Variants in ACTN2 observed in about 807,000 individuals in gnomAD.
ACTN2 encodes the protein actinin alpha 2.
A neutral mutation model predicts 113.8 loss-of-function variants in ACTN2; 39 were observed. The observed-to-expected ratio is 0.34, with a 90% CI of 0.27 to 0.45. ACTN2 has a LOEUF of 0.45. Ranked by LOEUF, ACTN2 falls within the 20% of genes least tolerant of loss-of-function variation. The pLI is 1.00. For synonymous variants in ACTN2, 429 were observed against 444.1 expected (o/e 0.97, Z 0.43); for missense variants, 992 against 1,177.9 (o/e 0.84, Z 2.31).
In ACTN2 at chr1:236,730,508, C is replaced by G. The variant is rs1658684414; in HGVS notation, c.616-725C>G. Among the ~76,000 whole-genome samples, 4 of 152,192 alleles carry G rather than the reference C, an allele frequency of 2.6e-5. No homozygotes were observed. The South Asian group carries it at 8.3e-4, about 32-fold the overall frequency. ...TGATTTTTCTATCTTACCTCCATTTCTTTTGAAATTCTTAATTTCTTTTGA... is the reference window on the plus strand; with the variant it reads ...TGATTTTTCTATCTTACCTCCATTTGTTTTGAAATTCTTAATTTCTTTTGA... On this transcript the variant is annotated intron_variant, in intron 6 of 20. Coordinates refer to ENST00000366578, the MANE Select transcript of ACTN2 (RefSeq NM_001103.4).
chr1:236,759,659 T>A (rs561855620), intron 18 of ACTN2, 65 bp from the exon 19 acceptor site: 2 of 1,364,034 alleles, frequency 1.5e-6, no homozygotes, highest in African/African-American at 2.9e-5. Flanking sequence ...TTTGTTCAGT[T>A]GGTCAAGTAG....
intron 1 of ACTN2, among the ~76,000 whole-genome samples, chr1:236,700,580 T>G (rs755057601): frequency 2.6e-5 from 4 of 152,184 alleles, no homozygotes; most frequent in Non-Finnish European, 5.9e-5. Flanking sequence ...ATCAGGTTTA[T>G]TGAGATGAGT....
rs899755629 is a variant in ACTN2 at position 236,734,621 on chromosome 1, A to G, written c.698-1014A>G. The G allele has an allele frequency of 5.7e-5, 46 of 811,042 alleles. No individual in the cohort carries two copies. In the African/African-American group the frequency reaches 7.5e-4, roughly 13 times the overall value. 50.2% of individuals were successfully genotyped at this position (811,042 alleles called of 1,614,324 possible). On this transcript the variant is annotated intron_variant, in intron 7 of 20. Transcript: ENST00000366578. ...TTTCCCCCCTCTCCTCCGAGTAAGGAGACTGTCTGGTTCCCAGGAGGCAGT... is the reference window on the plus strand; with the variant it reads ...TTTCCCCCCTCTCCTCCGAGTAAGGGGACTGTCTGGTTCCCAGGAGGCAGT...
At chr1:236,742,237 T>G (rs185376872) in intron 10 of ACTN2, among the ~76,000 whole-genome samples, 2 of 152,114 alleles carry the variant, frequency 1.3e-5, no homozygotes, top group Admixed American at 6.6e-5. Flanking sequence ...TGAACTTGCT[T>G]AAGTACTTAA....
intron 7 of ACTN2, 66 bp downstream of exon 7, chr1:236,731,380 A>C: frequency 1.5e-6 from 2 of 1,358,552 alleles, no homozygotes; most frequent in Non-Finnish European, 2.1e-6. Flanking sequence ...ATGGCTACAC[A>C]TTGGGACCTT....
intron 1 of ACTN2, among the ~76,000 whole-genome samples, chr1:236,710,422 G>C (rs1346211989): frequency 6.6e-6 from 1 of 152,198 alleles, no homozygotes; most frequent in Non-Finnish European, 1.5e-5. Flanking sequence ...TTCACTTTGA[G>C]AAAAGCAATA....
chr1:236,730,264 T>C (rs959679067), intron 6 of ACTN2, among the ~76,000 whole-genome samples: 3 of 124,802 alleles, frequency 2.4e-5, no homozygotes, highest in African/African-American at 8.4e-5. Flanking sequence ...GAACGTTTAG[T>C]TAAACACTTT....
chr1:236,764,282 T>G lies in ACTN2; in HGVS notation c.*1663T>G, dbSNP rs1659786437. ...CCAAACACTTTTGGGGTGGTTTAGA[T>G]GAACTCTGACTCTATTTTATTTCAA... On this transcript the variant is annotated 3_prime_UTR_variant, in exon 21 of 21. Coordinates refer to ENST00000366578, the MANE Select transcript of ACTN2 (RefSeq NM_001103.4). 6.6e-6 allele frequency: 1 copy of G among 152,348 alleles called. No individual in the cohort carries two copies. The highest frequency in any genetic ancestry group is 2.4e-5 in the African/African-American group (1 of 41,580). 9.4% of individuals were successfully genotyped at this position (152,348 alleles called of 1,614,324 possible).
At chr1:236,744,550 C>G in intron 11 of ACTN2, 76 bp from the exon 12 acceptor site, 1 of 1,553,278 alleles carries the variant, frequency 6.4e-7, no homozygotes, top group South Asian at 1.1e-5. Context: ...TCTCACCGCT[C>G]CCTGAGAATG....
chr1:236,737,297 G>GTATATATATATATATATA lies in ACTN2; in HGVS notation c.876+83_876+84insTATATATATATATATATA. 3,099 of 322,070 alleles carry GTATATATATATATATATA rather than the reference G, an allele frequency of 9.6e-3. 1,042 individuals are homozygous for GTATATATATATATATATA. Among genetic ancestry groups the GTATATATATATATATATA allele is most frequent in the Non-Finnish European group, 0.013 (2,036 of 157,948 alleles). 20.0% of individuals were successfully genotyped at this position (322,070 alleles called of 1,614,324 possible). ...GAGGGTGAAAAAATACTCCGTGGGGGCATATATATATATATATATATTTTG... is the reference window on the plus strand; with the variant it reads ...GAGGGTGAAAAAATACTCCGTGGGGGTATATATATATATATATACATATATATATATATATATATTTTG... On this transcript the variant is annotated intron_variant, in intron 9 of 20. Coordinates refer to ENST00000366578, the MANE Select transcript of ACTN2 (RefSeq NM_001103.4).
chr1:236,719,885 G>T (rs1273080949), intron 3 of ACTN2, among the ~76,000 whole-genome samples: 1 of 151,648 alleles, frequency 6.6e-6, no homozygotes, highest in Non-Finnish European at 1.5e-5. Context: ...TGCAAGATTT[G>T]TGCTTATTAT....
intron 1 of ACTN2, among the ~76,000 whole-genome samples, chr1:236,690,850 G>T (rs1290416016): frequency 6.6e-6 from 1 of 151,736 alleles, no homozygotes; most frequent in Non-Finnish European, 1.5e-5. Flanking sequence ...TCACCACTCT[G>T]TGTCTCCAGA....
chr1:236,707,174 A>C (rs932693169), intron 1 of ACTN2, among the ~76,000 whole-genome samples: 6 of 152,242 alleles, frequency 3.9e-5, no homozygotes, highest in African/African-American at 1.4e-4. Flanking sequence ...TAGGTAAAAA[A>C]GGATGTTCTG....
In ACTN2 at chr1:236,761,376, C is replaced by T. The variant is rs573562773; in HGVS notation, c.2526+203C>T. 2.6e-5 allele frequency among the ~76,000 whole-genome samples: 4 copies of T among 152,208 alleles called. 1 individual carries two copies. The East Asian group carries it at 5.8e-4, about 22-fold the overall frequency. On this transcript the variant is annotated intron_variant, in intron 20 of 20. Transcript: ENST00000366578. Reference sequence around the variant, plus strand: ...AAACAGACATGCCATTCCTGGCATTCGTGCTTGGCCTTGCATTGAGTTTTT... The same window carrying T: ...AAACAGACATGCCATTCCTGGCATTTGTGCTTGGCCTTGCATTGAGTTTTT...
chr1:236,690,935 C>CT lies in ACTN2; in HGVS notation c.126+4156dup, dbSNP rs34214344. Among the ~76,000 whole-genome samples the CT allele has an allele frequency of 3.7e-3, 386 of 103,274 alleles. 4 individuals carry two copies. The highest frequency in any genetic ancestry group is 0.03 in the East Asian group (110 of 3,710). The allele number at this position is 103,274 out of a possible 152,430, so 67.8% of individuals were successfully genotyped here. A position where few individuals can be genotyped will look rare whatever the true frequency, so the allele number is the denominator to read the frequency against. ...TCCCATTCCCCCCTCCTCGGGTGTA[C>CT]TTTTTTTTTTTTTTTTTTTTGAGAC... On this transcript the variant is annotated intron_variant, in intron 1 of 20. Coordinates refer to ENST00000366578, the MANE Select transcript of ACTN2 (RefSeq NM_001103.4).
chr1:236,754,068 A>C lies in ACTN2; in HGVS notation c.1961A>C (p.Gln654Pro). Residue 654 changes from glutamine (Q) to proline (P), a missense_variant, in exon 16 of 21, where the codon CAG becomes CCG. Around this residue, in one of 3 missense-constraint regions of ACTN2, gnomAD observed 736 missense variants for 815.4 expected, o/e 0.90. Coordinates refer to ENST00000366578, the MANE Select transcript of ACTN2 (RefSeq NM_001103.4). This position sits in a 1 kb window ranked among gnomAD's most constrained non-coding sequence, Gnocchi z 4.9. Reference protein sequence around the residue: ...AQANAIGPWIQNKMEEIARSS... With the variant: ...AQANAIGPWIPNKMEEIARSS... ...GCCAATGCCATTGGGCCCTGGATCCAGAACAAGATGGAGGTAAGCCAGCGC... is the reference window on the plus strand; with the variant it reads ...GCCAATGCCATTGGGCCCTGGATCCCGAACAAGATGGAGGTAAGCCAGCGC... The C allele has an allele frequency of 1.2e-6, 2 of 1,614,066 alleles. No homozygotes were observed. Among genetic ancestry groups the C allele is most frequent in the Non-Finnish European group, 1.7e-6 (2 of 1,180,024 alleles).
intron 7 of ACTN2, among the ~76,000 whole-genome samples, chr1:236,733,141 T>C (rs1173404939): frequency 1.3e-5 from 2 of 152,238 alleles, no homozygotes; most frequent in Admixed American, 1.3e-4. Context: ...GCTAAGTTTA[T>C]ATTTGTATGC....
chr1:236,690,467 C>T (rs1052163280), intron 1 of ACTN2, among the ~76,000 whole-genome samples: 2 of 152,166 alleles, frequency 1.3e-5, no homozygotes, highest in African/African-American at 2.4e-5. Context: ...GCCTGGTACC[C>T]GACTACAGTT....
intron 1 of ACTN2, among the ~76,000 whole-genome samples, chr1:236,689,985 G>A (rs117463284): frequency 0.014 from 2,067 of 152,322 alleles, 85 homozygotes; most frequent in Admixed American, 0.083. Context: ...CGAAATATGT[G>A]TCGATACGTA....
Sources: allele counts gnomAD v4.1 joint callset (sites outside exome capture counted in the v4.1 genomes callset), GRCh38; gene constraint gnomAD v4.1.1; regional missense constraint gnomAD v4.1.1; non-coding constraint Gnocchi (gnomAD v3.1); transcripts MANE v1.5; gene names NCBI Gene and HGNC (gene_info 2026-07-23, HGNC 2026-07-21).